Variants in MDGA2 observed in about 807,000 individuals in gnomAD.
MDGA2 encodes the protein MAM domain containing glycosylphosphatidylinositol anchor 2.
Under a neutral mutation model 117.8 loss-of-function variants are expected in MDGA2, and 40 were observed. The ratio of observed to expected loss-of-function variants is 0.34; its 90% confidence interval spans 0.26 to 0.44. The LOEUF (loss-of-function observed/expected upper bound fraction) is 0.44, where lower values mean the gene tolerates loss of function less well. Among genes scored for constraint, MDGA2 ranks in the 20% least tolerant of loss-of-function variants. The pLI is 1.00. For missense variants in MDGA2, 1,123 were observed against 1,250.6 expected (o/e 0.90, Z 1.54); for synonymous variants, 452 against 439.0 (o/e 1.03, Z -0.37).
chr14:47,029,609 G>A (rs958386921), intron 8 of MDGA2, among the ~76,000 whole-genome samples: 1 of 152,008 alleles, frequency 6.6e-6, no homozygotes, highest in Non-Finnish European at 1.5e-5. Flanking sequence ...AATTTTCAAG[G>A]AAGTATACTT....
At chr14:47,482,618 A>C (rs1893977319) in intron 1 of MDGA2, among the ~76,000 whole-genome samples, 1 of 152,078 alleles carries the variant, frequency 6.6e-6, no homozygotes, top group Admixed American at 6.6e-5. Flanking sequence ...ATTATACTAC[A>C]AGGAAACCTG....
At chr14:47,206,913 A>T (rs1267166974) in intron 3 of MDGA2, among the ~76,000 whole-genome samples, 1 of 152,082 alleles carries the variant, frequency 6.6e-6, no homozygotes, top group Non-Finnish European at 1.5e-5. Context: ...GATGATAGAT[A>T]GATGACTGAC....
intron 1 of MDGA2, among the ~76,000 whole-genome samples, chr14:47,633,018 G>T (rs908495012): frequency 2.6e-5 from 4 of 152,234 alleles, no homozygotes; most frequent in Admixed American, 2.6e-4. Context: ...TGTTAAATGA[G>T]ATAATGCTTG....
chr14:47,506,773 G>T (rs914793131), intron 1 of MDGA2, among the ~76,000 whole-genome samples: 1 of 152,172 alleles, frequency 6.6e-6, no homozygotes, highest in African/African-American at 2.4e-5. Flanking sequence ...CCAGCACTTT[G>T]GGAAGCTGAG....
At chr14:46,953,953 A>C (rs1433078838) in intron 9 of MDGA2, among the ~76,000 whole-genome samples, 1 of 152,070 alleles carries the variant, frequency 6.6e-6, no homozygotes, top group Non-Finnish European at 1.5e-5. Context: ...ATCTACCAGT[A>C]GATTCTGTCA....
chr14:47,637,007 C>A (rs1274679885), intron 1 of MDGA2, among the ~76,000 whole-genome samples: 1 of 151,782 alleles, frequency 6.6e-6, no homozygotes, highest in Non-Finnish European at 1.5e-5. Context: ...TAAATGTATG[C>A]ATATACTTAA....
At chr14:47,040,127 A>G (rs1321825069) in intron 7 of MDGA2, among the ~76,000 whole-genome samples, 1 of 152,172 alleles carries the variant, frequency 6.6e-6, no homozygotes, top group Non-Finnish European at 1.5e-5. Context: ...CATTGTTACC[A>G]TCTAGCATAC....
chr14:47,637,966 C>T (rs1897353958), intron 1 of MDGA2, among the ~76,000 whole-genome samples: 1 of 152,156 alleles, frequency 6.6e-6, no homozygotes, highest in South Asian at 2.1e-4. Context: ...CTTACTGTCT[C>T]CTTTGCCACC....
chr14:47,538,246 C>T (rs899305764), intron 1 of MDGA2, among the ~76,000 whole-genome samples: 2 of 152,140 alleles, frequency 1.3e-5, no homozygotes, highest in African/African-American at 2.4e-5. Context: ...AGAGCTTTTC[C>T]TGCCCCAATA....
At chr14:46,982,705 CAAAAAAAAAAAAAAAAAAAA>C (rs59530070) in intron 8 of MDGA2, among the ~76,000 whole-genome samples, 1 of 45,910 alleles carries the variant, frequency 2.2e-5, no homozygotes, top group African/African-American at 9.4e-5. Context: ...GAGACTCCAT[CAAAAAAAAAAAAAAAAAAAA>C]AAAAAAAAAA....
chr14:47,075,512 C>A (rs1488090739), intron 6 of MDGA2, among the ~76,000 whole-genome samples: 1 of 152,082 alleles, frequency 6.6e-6, no homozygotes, highest in Non-Finnish European at 1.5e-5. Context: ...AGACAACTGA[C>A]AAAATTTGAA....
chr14:47,013,444 A>C (rs1887964903), intron 8 of MDGA2, among the ~76,000 whole-genome samples: 1 of 151,974 alleles, frequency 6.6e-6, no homozygotes, highest in Admixed American at 6.6e-5. Flanking sequence ...TGCTATTTCC[A>C]GTATTTCTGT....
intron 1 of MDGA2, among the ~76,000 whole-genome samples, chr14:47,377,234 C>T (rs1219249192): frequency 6.6e-6 from 1 of 152,034 alleles, no homozygotes; most frequent in African/African-American, 2.4e-5. Flanking sequence ...GAAAAATATA[C>T]TGGATTACAG....
chr14:47,496,203 AG>A (rs1477728172), intron 1 of MDGA2, among the ~76,000 whole-genome samples: 1 of 152,188 alleles, frequency 6.6e-6, no homozygotes, highest in African/African-American at 2.4e-5. Context: ...AGGTGGAAGA[AG>A]GAAAAATAAT....
chr14:46,960,949 T>TACAC lies in MDGA2; in HGVS notation c.1820-3310_1820-3307dup, dbSNP rs57182570. Among the ~76,000 whole-genome samples the TACAC allele has an allele frequency of 3.1e-3, 460 of 147,848 alleles. 1 individual carries two copies. The highest frequency in any genetic ancestry group is 0.01 in the African/African-American group (405 of 40,256). On this transcript the variant is annotated intron_variant, in intron 8 of 16. Coordinates refer to ENST00000399232, the MANE Select transcript of MDGA2 (RefSeq NM_001113498.3). The stretch of plus-strand genomic sequence containing the variant: ...ATATATGTGTATGCGTATATATATA[T>TACAC]ACACACACACACACACACACATAAA...
intron 7 of MDGA2, among the ~76,000 whole-genome samples, chr14:47,049,275 C>A (rs1889370253): frequency 6.6e-6 from 1 of 151,888 alleles, no homozygotes; most frequent in African/African-American, 2.4e-5. Flanking sequence ...CCTTGATATT[C>A]ACAGGACATG....
intron 1 of MDGA2, among the ~76,000 whole-genome samples, chr14:47,364,527 G>A (rs1037879961): frequency 6.6e-6 from 1 of 152,156 alleles, no homozygotes; most frequent in African/African-American, 2.4e-5. Flanking sequence ...GCCTCCCAAC[G>A]TGCTGGGATT....
intron 2 of MDGA2, among the ~76,000 whole-genome samples, chr14:47,236,488 T>G (rs1018931861): frequency 6.6e-6 from 1 of 152,068 alleles, no homozygotes; most frequent in Non-Finnish European, 1.5e-5. Flanking sequence ...AAAGAAATGT[T>G]AAGTAGGCAG....
At chr14:47,530,139 C>A (rs1566500518) in intron 1 of MDGA2, among the ~76,000 whole-genome samples, 1 of 152,162 alleles carries the variant, frequency 6.6e-6, no homozygotes, top group East Asian at 1.9e-4. Context: ...ATGTTCATAG[C>A]TCTGGGAATG....
Sources: gnomAD v4.1 joint callset for allele counts (sites outside exome capture counted in the v4.1 genomes callset) on GRCh38, gnomAD v4.1.1 for gene constraint, MANE v1.5 for transcripts, NCBI Gene and HGNC (gene_info 2026-07-23, HGNC 2026-07-21) for gene names.